Variants in COL18A1 observed in about 807,000 individuals in gnomAD.
The protein encoded by COL18A1 is collagen type XVIII alpha 1 chain.
COL18A1 carries 133 observed loss-of-function variants against 168.0 expected under a neutral mutation model. The ratio of observed to expected loss-of-function variants is 0.79; its 90% CI spans 0.69 to 0.91. The LOEUF (loss-of-function observed/expected upper bound fraction) is 0.91. COL18A1 is among the 40% of genes least tolerant of loss of function. COL18A1 has a pLI of 0.00. For missense variants in COL18A1, 2,126 were observed against 1,925.4 expected (o/e 1.10, Z -1.95); for synonymous variants, 949 against 809.0 (o/e 1.17, Z -2.94).
chr21:45,509,088 A>C (rs1568949958), intron 38 of COL18A1, among the ~76,000 whole-genome samples: 1 of 152,122 alleles, frequency 6.6e-6, no homozygotes. Flanking sequence ...AGGTCAGGGC[A>C]CGTGGTGAGT....
rs2035711757 is a variant in COL18A1, at chr21:45,477,318, G to A, written c.929-93G>A. ...GTCCAGCCGGGCTCCAGGACTGAAAGCGTTTGGGCTGCCGGGGCCGTCTGG... is the reference window on the plus strand; with the variant it reads ...GTCCAGCCGGGCTCCAGGACTGAAAACGTTTGGGCTGCCGGGGCCGTCTGG... On this transcript the variant is annotated intron_variant, in intron 6 of 41. Coordinates refer to ENST00000651438, the MANE Select transcript of COL18A1 (RefSeq NM_001379500.1). 5.2e-6 allele frequency: 5 copies of A among 968,262 alleles called. No homozygotes were observed. The South Asian group carries it at 6.9e-5, about 13-fold the overall frequency. The allele number at this position is 968,262 out of a possible 1,614,324, so 60.0% of individuals were successfully genotyped here.
At chr21:45,492,798 G>A (rs1171443479) in intron 24 of COL18A1, 85 bp downstream of exon 24, 6 of 1,078,102 alleles carry the variant, frequency 5.6e-6, no homozygotes, top group Non-Finnish European at 8.5e-6. Context: ...GGTCGAGCTG[G>A]GGTGGGCCTT....
intron 2 of COL18A1, among the ~76,000 whole-genome samples, chr21:45,452,938 G>GTC (rs2034671928): frequency 6.6e-6 from 1 of 151,762 alleles, no homozygotes; most frequent in African/African-American, 2.4e-5. Context: ...CATGTGACAT[G>GTC]TGAGCATGTA....
chr21:45,428,903 C>CTTTTTTTTTT (rs35500358), intron 2 of COL18A1, among the ~76,000 whole-genome samples: 1 of 145,514 alleles, frequency 6.9e-6, no homozygotes. Context: ...TCTTTCTTTT[C>CTTTTTTTTTT]TTTTTTTTTT....
chr21:45,456,715 C>G, intron 2 of COL18A1: 1 of 1,533,920 alleles, frequency 6.5e-7, no homozygotes, highest in Non-Finnish European at 8.7e-7. Flanking sequence ...TGCTGGTCCC[C>G]CCATGCGGCA....
intron 2 of COL18A1, among the ~76,000 whole-genome samples, chr21:45,459,583 G>A (rs112146639): frequency 0.017 from 2,659 of 152,356 alleles, 68 homozygotes; most frequent in African/African-American, 0.06. Context: ...CAGTGCAGCC[G>A]TGCTGGGGCG....
At chr21:45,415,003 C>A (rs2033401652) in intron 2 of COL18A1, among the ~76,000 whole-genome samples, 1 of 152,082 alleles carries the variant, frequency 6.6e-6, no homozygotes, top group South Asian at 2.1e-4. Context: ...GAAGTGGGTT[C>A]CCCCTGGAGC....
At chr21:45,405,774 G>A (rs1234711596) in intron 2 of COL18A1, among the ~76,000 whole-genome samples, 1 of 151,152 alleles carries the variant, frequency 6.6e-6, no homozygotes, top group Non-Finnish European at 1.5e-5. Flanking sequence ...GGAGGGCTCG[G>A]GGCGGGGCCG....
At chr21:45,487,113 C>A in intron 16 of COL18A1, 121 bp downstream of exon 16, 1 of 1,006,124 alleles carries the variant, frequency 9.9e-7, no homozygotes, top group South Asian at 1.7e-5. Context: ...GCTGGCACTG[C>A]CTCATCCTGG....
intron 2 of COL18A1, chr21:45,407,324 C>G (rs1286837460): frequency 1.3e-5 from 2 of 152,246 alleles, no homozygotes; most frequent in Admixed American, 1.3e-4. Context: ...ACATTTTTTT[C>G]TGGCCAAGAA....
At chr21:45,446,676 A>G (rs931007604) in intron 2 of COL18A1, among the ~76,000 whole-genome samples, 2 of 152,240 alleles carry the variant, frequency 1.3e-5, no homozygotes, top group Admixed American at 6.5e-5. Flanking sequence ...CTCTGATACC[A>G]TAATCAGACA....
chr21:45,471,749 ATTTCCAGCTGTGTCC>A lies in COL18A1; in HGVS notation c.652-2144_652-2130del, dbSNP rs751186460. Among the ~76,000 whole-genome samples, 23 of 152,038 alleles carry A rather than the reference ATTTCCAGCTGTGTCC, an allele frequency of 1.5e-4. No individual in the cohort carries two copies. Among genetic ancestry groups the A allele is most frequent in the Non-Finnish European group, 2.8e-4 (19 of 67,994 alleles). On this transcript the variant is annotated intron_variant, in intron 3 of 41. Transcript: ENST00000651438. This position sits in a 1 kb window ranked among gnomAD's most constrained non-coding sequence, Gnocchi z 4.4. The stretch of plus-strand genomic sequence containing the variant: ...TGTCCTGATTTCCAGCTGTGTCCTG[ATTTCCAGCTGTGTCC>A]TGATTTCCAGGGCGCTGAGGCTGCA...
rs2034441482 is a variant in COL18A1 at position 45,443,648 on chromosome 21, G to T, written c.107-24594G>T. On this transcript the variant is annotated intron_variant, in intron 2 of 41. Coordinates refer to ENST00000651438, the MANE Select transcript of COL18A1 (RefSeq NM_001379500.1). The surrounding 1 kb of genome is among the most constrained non-coding windows in gnomAD (Gnocchi z 5.2). ...GGGCGAAAAGTGAAGCCTCTGGGTG[G>T]TCCTGTACCTGTCTGTCACATCCCG... Among the ~76,000 whole-genome samples, 1 of 152,162 alleles carries T rather than the reference G, an allele frequency of 6.6e-6. No individual in the cohort carries two copies. Among genetic ancestry groups the T allele is most frequent in the African/African-American group, 2.4e-5 (1 of 41,444 alleles).
intron 2 of COL18A1, among the ~76,000 whole-genome samples, chr21:45,418,051 G>A (rs1012537723): frequency 6.6e-6 from 1 of 152,190 alleles, no homozygotes. Flanking sequence ...AACGTGTGCC[G>A]CCCCCGGAGC....
intron 15 of COL18A1, among the ~76,000 whole-genome samples, chr21:45,485,524 A>G (rs1278744153): frequency 6.6e-6 from 1 of 152,148 alleles, no homozygotes; most frequent in East Asian, 1.9e-4. Flanking sequence ...AGATTTTTAA[A>G]GACGATAAAA....
chr21:45,482,350 C>T (rs1470309082), intron 14 of COL18A1: 12 of 679,488 alleles, frequency 1.8e-5, no homozygotes, highest in South Asian at 5.7e-5. Context: ...CGCAAGGAGC[C>T]GGGGCCCCAG....
chr21:45,485,319 G>C (rs888082928), intron 15 of COL18A1, among the ~76,000 whole-genome samples: 1 of 145,958 alleles, frequency 6.9e-6, no homozygotes, highest in African/African-American at 2.7e-5. Context: ...CTTTTTTATA[G>C]GCACTTTTTA....
intron 41 of COL18A1, among the ~76,000 whole-genome samples, chr21:45,511,521 A>C (rs2037607548): frequency 6.6e-6 from 1 of 152,120 alleles, no homozygotes; most frequent in South Asian, 2.1e-4. Flanking sequence ...GCCTGTGGTC[A>C]GCCATGTAAG....
At position 45,510,970 on chromosome 21, in the gene COL18A1, CAA is replaced by C. The variant is rs2037552881; in HGVS notation, c.3694-139_3694-138del. 3.7e-4 allele frequency: 15 copies of C among 40,146 alleles called. 6 individuals carry two copies. The highest frequency in any genetic ancestry group is 2.3e-3 in the East Asian group (3 of 1,328). 2.5% of individuals were successfully genotyped at this position (40,146 alleles called of 1,614,324 possible). A position where few individuals can be genotyped will look rare whatever the true frequency, so the allele number is the denominator to read the frequency against. Reference sequence around the variant, plus strand: ...ACCCACAACACCCCACATACACCCCCAAACACCCCCCACACCCCACACACACA... The same window carrying C: ...ACCCACAACACCCCACATACACCCCCACACCCCCCACACCCCACACACACA... On this transcript the variant is annotated intron_variant, in intron 40 of 41. Coordinates refer to ENST00000651438, the MANE Select transcript of COL18A1 (RefSeq NM_001379500.1).
Sources: gnomAD v4.1 joint callset for allele counts (sites outside exome capture counted in the v4.1 genomes callset) on GRCh38, gnomAD v4.1.1 for gene constraint, Gnocchi (gnomAD v3.1) non-coding constraint, MANE v1.5 for transcripts, NCBI Gene and HGNC (gene_info 2026-07-23, HGNC 2026-07-21) for gene names.